The following DLC1 variants were observed in gnomAD, a reference collection of about 807,000 sequenced individuals.
DLC1 encodes DLC1 Rho GTPase activating protein, also known as rho GTPase-activating protein 7.
DLC1 carries 54 observed loss-of-function variants against 140.3 expected under a neutral mutation model. That is an observed-to-expected ratio of 0.38 (90% CI 0.31 to 0.48). The LOEUF (loss-of-function observed/expected upper bound fraction) is 0.48, where lower values mean the gene tolerates loss of function less well. DLC1 is among the 20% of genes least tolerant of loss of function. The pLI, the probability that DLC1 is intolerant of heterozygous loss-of-function variation, is 0.96. For missense variants in DLC1, 2,536 were observed against 1,907.0 expected, an observed-to-expected ratio of 1.33 and a Z score of -6.14; for synonymous variants, 986 against 728.1, an observed-to-expected ratio of 1.35 and a Z score of -5.70.
At chr8:13,453,422 ATG>A (rs780984849) in intron 2 of DLC1, among the ~76,000 whole-genome samples, 499 of 32,532 alleles carry the variant, frequency 0.015, 24 homozygotes, top group Admixed American at 0.024. Context: ...ATATATATAT[ATG>A]TGTATATATA....
chr8:13,472,340 G>A (rs1033873839), intron 2 of DLC1, among the ~76,000 whole-genome samples: 1 of 152,080 alleles, frequency 6.6e-6, no homozygotes, highest in Non-Finnish European at 1.5e-5. Flanking sequence ...CATTTTCTTG[G>A]GGGAGGGGAA....
intron 1 of DLC1, among the ~76,000 whole-genome samples, chr8:13,513,742 C>A (rs187715910): frequency 8.3e-4 from 126 of 152,124 alleles, no homozygotes; most frequent in African/African-American, 3.0e-3. Context: ...TTTAAGATTA[C>A]CTTGAAGAGA....
chr8:13,331,468 G>A (rs941562550), intron 4 of DLC1, among the ~76,000 whole-genome samples: 6 of 152,108 alleles, frequency 3.9e-5, no homozygotes, highest in Admixed American at 3.3e-4. Context: ...TTGAGGACTG[G>A]TTATTATGAG....
chr8:13,098,318 T>A (rs2128935386), intron 10 of DLC1, 81 bp downstream of exon 10: 1 of 1,521,248 alleles, frequency 6.6e-7, no homozygotes, highest in Non-Finnish European at 9.0e-7. Context: ...GAAGTGTCAT[T>A]TTTTACTGTG....
chr8:13,152,635 CAAT>C (rs3065360), intron 5 of DLC1, among the ~76,000 whole-genome samples: 7 of 150,722 alleles, frequency 4.6e-5, no homozygotes, highest in Admixed American at 1.3e-4. Context: ...CCACCTCTAC[CAAT>C]AATAATAATA....
At chr8:13,324,765 CAG>C (rs1444363167) in intron 4 of DLC1, among the ~76,000 whole-genome samples, 1 of 152,086 alleles carries the variant, frequency 6.6e-6, no homozygotes, top group Non-Finnish European at 1.5e-5. Flanking sequence ...CAAGCAGTTG[CAG>C]AGTCTTTACT....
intron 2 of DLC1, among the ~76,000 whole-genome samples, chr8:13,446,254 T>C (rs941412276): frequency 6.6e-6 from 1 of 152,222 alleles, no homozygotes; most frequent in Admixed American, 6.5e-5. Context: ...GGAAAGTATA[T>C]GATATAATGT....
intron 5 of DLC1, among the ~76,000 whole-genome samples, chr8:13,152,236 T>C (rs1009140939): frequency 2.0e-5 from 3 of 152,228 alleles, no homozygotes; most frequent in Admixed American, 6.5e-5. Context: ...AGAAGTGTTC[T>C]GAAATGACCC....
At chr8:13,145,039 T>C (rs1309132161) in intron 5 of DLC1, among the ~76,000 whole-genome samples, 1 of 152,170 alleles carries the variant, frequency 6.6e-6, no homozygotes, top group Non-Finnish European at 1.5e-5. Flanking sequence ...AACAAAAGTA[T>C]TTATAAATTA....
At chr8:13,096,768 T>G (rs1398468862) in intron 10 of DLC1, among the ~76,000 whole-genome samples, 2 of 152,238 alleles carry the variant, frequency 1.3e-5, no homozygotes, top group Non-Finnish European at 2.9e-5. Context: ...AAGAACAGTT[T>G]CCTTGCTTTG....
chr8:13,213,057 A>G lies in DLC1; in HGVS notation c.1348+92212T>C, dbSNP rs182941210. On this transcript the variant is annotated intron_variant, in intron 5 of 17. Coordinates refer to ENST00000276297, the MANE Select transcript of DLC1 (RefSeq NM_182643.3). ...GTTGAATGTAGTGGGAGTTGAAGACAGATATTAATGGACTGCTCTTCATTT... is the reference window on the plus strand; with the variant it reads ...GTTGAATGTAGTGGGAGTTGAAGACGGATATTAATGGACTGCTCTTCATTT... 2.6e-3 allele frequency among the ~76,000 whole-genome samples: 390 copies of G among 152,384 alleles called. 1 individual carries two copies. The highest frequency in any genetic ancestry group is 8.6e-3 in the African/African-American group (356 of 41,596).
chr8:13,403,890 C>T (rs1439710454), intron 2 of DLC1, among the ~76,000 whole-genome samples: 2 of 147,758 alleles, frequency 1.4e-5, no homozygotes, highest in Admixed American at 6.9e-5. Flanking sequence ...AACTCCTGCA[C>T]TCAGGAGATA....
chr8:13,591,134 G>A (rs1805500849), intron 1 of DLC1, among the ~76,000 whole-genome samples: 2 of 152,060 alleles, frequency 1.3e-5, no homozygotes, highest in Non-Finnish European at 2.9e-5. Context: ...TTTCCTCAAA[G>A]TGTGATGAGA....
intron 5 of DLC1, among the ~76,000 whole-genome samples, chr8:13,132,623 C>T (rs1339558261): frequency 6.6e-6 from 1 of 152,146 alleles, no homozygotes; most frequent in African/African-American, 2.4e-5. Context: ...CGAGCCCCCG[C>T]CCGGCTCAAG....
chr8:13,575,816 A>G (rs1257789076), intron 1 of DLC1, among the ~76,000 whole-genome samples: 1 of 152,212 alleles, frequency 6.6e-6, no homozygotes, highest in Non-Finnish European at 1.5e-5. Context: ...TGCCTTGGTC[A>G]TTATGAACAA....
At chr8:13,399,406 G>T (rs756703737) in intron 3 of DLC1, among the ~76,000 whole-genome samples, 1 of 152,134 alleles carries the variant, frequency 6.6e-6, no homozygotes, top group Non-Finnish European at 1.5e-5. Flanking sequence ...ACCACTCTCC[G>T]TCAGTGTGAA....
At chr8:13,156,258 C>A (rs747387707) in intron 5 of DLC1, among the ~76,000 whole-genome samples, 3 of 152,134 alleles carry the variant, frequency 2.0e-5, no homozygotes, top group Non-Finnish European at 4.4e-5. Flanking sequence ...CAACTTTCTG[C>A]CATGAATATC....
At chr8:13,103,167 C>T (rs955749954) in intron 7 of DLC1, among the ~76,000 whole-genome samples, 29 of 151,710 alleles carry the variant, frequency 1.9e-4, no homozygotes, top group African/African-American at 9.7e-5. Context: ...AAAAACAAGC[C>T]GGGCCTGGTG....
chr8:13,119,589 G>A lies in DLC1; in HGVS notation c.1349-3932C>T, dbSNP rs529645565. On this transcript the variant is annotated intron_variant, in intron 5 of 17. Coordinates refer to ENST00000276297, the MANE Select transcript of DLC1 (RefSeq NM_182643.3). The stretch of plus-strand genomic sequence containing the variant: ...ACACCTCACATTGATCCTAAAATGT[G>A]GATTACTAATATCTCTGAGATAAAC... Among the ~76,000 whole-genome samples the A allele has an allele frequency of 7.9e-5, 12 of 152,162 alleles. No individual in the cohort carries two copies. The South Asian group carries it at 2.3e-3, about 29-fold the overall frequency.
Sources: allele counts gnomAD v4.1 joint callset (sites outside exome capture counted in the v4.1 genomes callset), GRCh38; gene constraint gnomAD v4.1.1; transcripts MANE v1.5; gene names NCBI Gene and HGNC (gene_info 2026-07-23, HGNC 2026-07-21).